Variants in KIRREL3 observed in about 807,000 individuals in gnomAD.
KIRREL3 encodes the protein kin of IRRE-like protein 3.
KIRREL3 carries 36 observed loss-of-function variants against 89.7 expected under a neutral mutation model. The observed-to-expected ratio is 0.40, with a 90% confidence interval of 0.31 to 0.53. The LOEUF (loss-of-function observed/expected upper bound fraction) is 0.53. Ranked by LOEUF, KIRREL3 falls within the 20% of genes least tolerant of loss-of-function variation. The pLI is 0.49. For synonymous variants in KIRREL3, 445 were observed against 441.4 expected, an observed-to-expected ratio of 1.01 and a Z score of -0.10; for missense variants, 864 against 1,056.6, an observed-to-expected ratio of 0.82 and a Z score of 2.53.
chr11:126,424,231 G>A lies in KIRREL3; in HGVS notation c.*349C>T, dbSNP rs757019973. 4 of 340,556 alleles carry A rather than the reference G, an allele frequency of 1.2e-5. No homozygotes were observed. Among genetic ancestry groups the A allele is most frequent in the South Asian group, 3.4e-5 (1 of 28,986 alleles). The allele number at this position is 340,556 out of a possible 1,614,324, so 21.1% of individuals were successfully genotyped here. A position where few individuals can be genotyped will look rare whatever the true frequency, so the allele number is the denominator to read the frequency against. The stretch of plus-strand genomic sequence containing the variant: ...CCACAGAGAGACCAGAGAGTGGACC[G>A]CAGTTTCATGAAAGCAGAGTTATAG... On this transcript the variant is annotated 3_prime_UTR_variant, in exon 17 of 17. Coordinates refer to ENST00000525144, the MANE Select transcript of KIRREL3 (RefSeq NM_032531.4).
intron 1 of KIRREL3, among the ~76,000 whole-genome samples, chr11:126,730,141 G>A (rs574369187): frequency 1.3e-5 from 2 of 152,248 alleles, no homozygotes; most frequent in East Asian, 3.9e-4. Flanking sequence ...CCTCAAAGTA[G>A]ATTCATCACT....
intron 1 of KIRREL3, among the ~76,000 whole-genome samples, chr11:126,680,184 G>A (rs916896644): frequency 1.3e-5 from 2 of 152,180 alleles, no homozygotes; most frequent in Non-Finnish European, 2.9e-5. Flanking sequence ...TATAACAGAT[G>A]CTCAGTAAAG....
chr11:126,850,473 C>T (rs528407489), intron 1 of KIRREL3, among the ~76,000 whole-genome samples: 19 of 152,294 alleles, frequency 1.2e-4, no homozygotes, highest in South Asian at 8.3e-4. Context: ...CTAACCCAGA[C>T]CTGTCCTCCA....
At chr11:126,907,054 C>T (rs1423282698) in intron 1 of KIRREL3, among the ~76,000 whole-genome samples, 1 of 152,170 alleles carries the variant, frequency 6.6e-6, no homozygotes, top group Non-Finnish European at 1.5e-5. Context: ...TCATGGGGCC[C>T]ACCACACCAT....
Position 126,820,405 on chromosome 11 carries a change from G to A in KIRREL3, c.55+180050C>T, listed in dbSNP as rs184428757. ...CGCATAGAAGATCTGTGCAGCTAGA[G>A]CTAATGGCAGCTTCCATGATGATCC... On this transcript the variant is annotated intron_variant, in intron 1 of 16. Coordinates refer to ENST00000525144, the MANE Select transcript of KIRREL3 (RefSeq NM_032531.4). Among the ~76,000 whole-genome samples, 5 of 152,250 alleles carry A rather than the reference G, an allele frequency of 3.3e-5. No individual in the cohort carries two copies. In the East Asian group the frequency reaches 9.7e-4, roughly 29 times the overall value.
At chr11:126,726,669 G>A (rs116738437) in intron 1 of KIRREL3, among the ~76,000 whole-genome samples, 2,204 of 152,026 alleles carry the variant, frequency 0.014, 48 homozygotes, top group African/African-American at 0.05. Flanking sequence ...GAGCCACTGC[G>A]CCCAGCCACA....
At chr11:126,663,537 G>C (rs919272755) in intron 1 of KIRREL3, among the ~76,000 whole-genome samples, 6 of 152,140 alleles carry the variant, frequency 3.9e-5, no homozygotes, top group Non-Finnish European at 5.9e-5. Flanking sequence ...GGTGGTGCTG[G>C]TTTCTACTAC....
At chr11:126,586,133 G>A (rs1042258883) in intron 1 of KIRREL3, among the ~76,000 whole-genome samples, 4 of 152,162 alleles carry the variant, frequency 2.6e-5, no homozygotes, top group Non-Finnish European at 4.4e-5. Flanking sequence ...ATGATGGGAG[G>A]TGAGGAATGA....
At chr11:126,665,303 AG>A (rs1178753983) in intron 1 of KIRREL3, among the ~76,000 whole-genome samples, 1 of 152,188 alleles carries the variant, frequency 6.6e-6, no homozygotes, top group Non-Finnish European at 1.5e-5. Flanking sequence ...GCCAGCTCTG[AG>A]GGGAAAAATT....
rs374200610 is a variant in KIRREL3 at position 126,425,026 on chromosome 11, G to A, written c.1894-3C>T. Reference sequence around the variant, plus strand: ...CTGTAGTAGCCATTGGTGGGGTCCTGGATGGGCGAGAGGAAGAGGAGCGTC... The same window carrying A: ...CTGTAGTAGCCATTGGTGGGGTCCTAGATGGGCGAGAGGAAGAGGAGCGTC... On this transcript the variant is annotated splice_polypyrimidine_tract_variant and splice_region_variant and intron_variant, in intron 16 of 16. Coordinates refer to ENST00000525144, the MANE Select transcript of KIRREL3 (RefSeq NM_032531.4). 7.2e-6 allele frequency: 11 copies of A among 1,519,848 alleles called. No individual in the cohort carries two copies. The highest frequency in any genetic ancestry group is 8.8e-6 in the Non-Finnish European group (10 of 1,133,080). 94.1% of individuals were successfully genotyped at this position (1,519,848 alleles called of 1,614,324 possible). A position where few individuals can be genotyped will look rare whatever the true frequency, so the allele number is the denominator to read the frequency against.
intron 1 of KIRREL3, among the ~76,000 whole-genome samples, chr11:126,733,256 G>C (rs1327112412): frequency 6.6e-6 from 1 of 152,220 alleles, no homozygotes. Flanking sequence ...CACAGCTGGA[G>C]CTCAGCAGAT....
In KIRREL3 at chr11:126,860,476, A is replaced by G. The variant is rs910726112; in HGVS notation, c.55+139979T>C. The stretch of plus-strand genomic sequence containing the variant: ...AGGGAGGAAGAGCATTCCAGGCAGA[A>G]GGAAGAGTTTGAGCAAAGGAGGAGA... On this transcript the variant is annotated intron_variant, in intron 1 of 16. Transcript: ENST00000525144. The surrounding 1 kb of genome is among the most constrained non-coding windows in gnomAD (Gnocchi z 4.6). Among the ~76,000 whole-genome samples the G allele has an allele frequency of 2.0e-5, 3 of 152,076 alleles. No individual in the cohort carries two copies. Among genetic ancestry groups the G allele is most frequent in the Non-Finnish European group, 4.4e-5 (3 of 68,018 alleles).
chr11:126,671,907 G>A (rs1042479817), intron 1 of KIRREL3, among the ~76,000 whole-genome samples: 1 of 152,164 alleles, frequency 6.6e-6, no homozygotes, highest in African/African-American at 2.4e-5. Flanking sequence ...ACATGATCAA[G>A]TAACTGCAGT....
At chr11:126,452,453 T>C (rs556871744) in intron 7 of KIRREL3, among the ~76,000 whole-genome samples, 1 of 152,210 alleles carries the variant, frequency 6.6e-6, no homozygotes, top group Non-Finnish European at 1.5e-5. Flanking sequence ...AGCGGGCAGC[T>C]GGCTGGGCTG....
Position 126,614,885 on chromosome 11 carries a change from G to A in KIRREL3, c.56-51973C>T, listed in dbSNP as rs1262457595. Among the ~76,000 whole-genome samples the A allele has an allele frequency of 6.6e-6, 1 of 152,186 alleles. No homozygotes were observed. The highest frequency in any genetic ancestry group is 1.9e-4 in the East Asian group (1 of 5,198). The stretch of plus-strand genomic sequence containing the variant: ...ATGGTGCTGAGAAGATGGATGAGCT[G>A]GGGCCGGTAAAATAGCTTTGTTCCT... On this transcript the variant is annotated intron_variant, in intron 1 of 16. Transcript: ENST00000525144. This position sits in a 1 kb window ranked among gnomAD's most constrained non-coding sequence, Gnocchi z 4.6.
chr11:126,980,899 G>A lies in KIRREL3; in HGVS notation c.55+19556C>T, dbSNP rs896238911. ...ATTTTCATTGTTACTCTCAGAATTA[G>A]CCACCAGAATGGGTGCTAGGAGTGT... is the stretch of plus-strand genomic sequence containing the variant. On this transcript the variant is annotated intron_variant, in intron 1 of 16. Coordinates refer to ENST00000525144, the MANE Select transcript of KIRREL3 (RefSeq NM_032531.4). Among the ~76,000 whole-genome samples the A allele has an allele frequency of 3.3e-5, 5 of 152,302 alleles. No homozygotes were observed. The East Asian group carries it at 9.7e-4, about 29-fold the overall frequency.
At chr11:126,950,403 C>A (rs907092719) in intron 1 of KIRREL3, among the ~76,000 whole-genome samples, 10 of 151,864 alleles carry the variant, frequency 6.6e-5, no homozygotes, top group South Asian at 2.1e-4. Context: ...ACAAACAAAA[C>A]CAAAAAACAT....
chr11:126,808,214 T>C lies in KIRREL3; in HGVS notation c.55+192241A>G, dbSNP rs1345355856. On this transcript the variant is annotated intron_variant, in intron 1 of 16. Coordinates refer to ENST00000525144, the MANE Select transcript of KIRREL3 (RefSeq NM_032531.4). This position sits in a 1 kb window ranked among gnomAD's most constrained non-coding sequence, Gnocchi z 4.1. ...GGAGCATAAAGGAAAGAGGGATCCATGGAGTAAGAGGTCCCTTCAGGGGAG... is the reference window on the plus strand; with the variant it reads ...GGAGCATAAAGGAAAGAGGGATCCACGGAGTAAGAGGTCCCTTCAGGGGAG... Among the ~76,000 whole-genome samples, 1 of 152,210 alleles carries C rather than the reference T, an allele frequency of 6.6e-6. No individual in the cohort carries two copies. Among genetic ancestry groups the C allele is most frequent in the Non-Finnish European group, 1.5e-5 (1 of 68,024 alleles).
intron 1 of KIRREL3, among the ~76,000 whole-genome samples, chr11:126,584,925 T>C (rs1001681487): frequency 6.6e-6 from 1 of 151,870 alleles, no homozygotes; most frequent in African/African-American, 2.4e-5. Flanking sequence ...CTTTTCTTTT[T>C]TTTTTTATTT....
Sources: gnomAD v4.1 joint callset for allele counts (sites outside exome capture counted in the v4.1 genomes callset) on GRCh38, gnomAD v4.1.1 for gene constraint, Gnocchi (gnomAD v3.1) non-coding constraint, MANE v1.5 for transcripts, NCBI Gene and HGNC (gene_info 2026-07-23, HGNC 2026-07-21) for gene names.